The following PTCH2 variants were observed in gnomAD, a reference collection of about 807,000 sequenced individuals.
PTCH2 encodes patched 2, also known as protein patched homolog 2.
PTCH2 carries 96 observed loss-of-function variants against 117.9 expected under a neutral mutation model. That is an observed-to-expected ratio of 0.81 (90% CI 0.69 to 0.96). The LOEUF (loss-of-function observed/expected upper bound fraction) is 0.96, where lower values mean the gene tolerates loss of function less well. PTCH2 is among the 50% of genes least tolerant of loss of function. The pLI is 0.00. For missense variants in PTCH2, 1,379 were observed against 1,562.5 expected, an observed-to-expected ratio of 0.88 and a Z score of 1.98; for synonymous variants, 615 against 660.9, an observed-to-expected ratio of 0.93 and a Z score of 1.06.
chr1:44,833,125 G>A (rs1653532487), intron 2 of PTCH2, among the ~76,000 whole-genome samples: 1 of 152,148 alleles, frequency 6.6e-6, no homozygotes, highest in Non-Finnish European at 1.5e-5. Flanking sequence ...CGCCAGGCCT[G>A]CCATAGTGTC....
intron 2 of PTCH2, among the ~76,000 whole-genome samples, chr1:44,832,660 C>T (rs11573569): frequency 2.1e-3 from 322 of 152,238 alleles, no homozygotes; most frequent in African/African-American, 7.4e-3. Context: ...ATGAGCTGGC[C>T]GTGGGCTGTG....
In PTCH2 at chr1:44,828,120, G is replaced by A. The variant is rs1209439159; in HGVS notation, c.1781C>T (p.Ala594Val). 1 of 1,613,940 alleles carries A rather than the reference G, an allele frequency of 6.2e-7. No homozygotes were observed. Among genetic ancestry groups the A allele is most frequent in the Non-Finnish European group, 8.5e-7 (1 of 1,180,044 alleles). The change falls in exon 14 of 22, where the codon GCC (alanine) becomes GTC (valine). Residue 594 changes from alanine (A) to valine (V), a missense_variant. By Grantham distance (64) the Ala-to-Val change is moderately conservative. Coordinates refer to ENST00000372192, the MANE Select transcript of PTCH2 (RefSeq NM_003738.5). ...GGCTTGAACTGTGGCAGTGAGGTGG[G>A]CAATGCCCACTGGTACTGTCCCGTC... ...LGDGTVPVGI[A>V]HLTATVQAFT...
rs11573546 is a variant in PTCH2 at position 44,839,709 on chromosome 1, A to ATATGTG, written c.265+2132_265+2137dup. Among the ~76,000 whole-genome samples the ATATGTG allele has an allele frequency of 5.9e-5, 9 of 152,130 alleles. 1 individual carries two copies. The South Asian group carries it at 1.9e-3, about 32-fold the overall frequency. ...CCAGGCAGCAGTGGTGTGGGTGGGG[A>ATATGTG]TATGTGTATGTGCGTGTATGCACAT... On this transcript the variant is annotated intron_variant, in intron 2 of 21. Coordinates refer to ENST00000372192, the MANE Select transcript of PTCH2 (RefSeq NM_003738.5).
downstream of PTCH2, chr1:44,820,763 C>A (rs1362647445): frequency 1.4e-6 from 1 of 716,958 alleles, no homozygotes; most frequent in Non-Finnish European, 2.6e-6. Context: ...AGGGTTACTC[C>A]GCTGGTAAGT....
chr1:44,836,475 C>T (rs549211988), intron 2 of PTCH2, among the ~76,000 whole-genome samples: 30 of 151,984 alleles, frequency 2.0e-4, no homozygotes, highest in Non-Finnish European at 4.1e-4. Flanking sequence ...TTTGGGAGGC[C>T]GAGGTGGGCG....
At chr1:44,825,479 G>A (rs1653103210) in intron 19 of PTCH2, among the ~76,000 whole-genome samples, 1 of 152,060 alleles carries the variant, frequency 6.6e-6, no homozygotes. Context: ...GTTCCTTGGA[G>A]GTAAAAAACT....
chr1:44,833,876 G>A (rs1341224512), intron 2 of PTCH2, among the ~76,000 whole-genome samples: 3 of 151,888 alleles, frequency 2.0e-5, no homozygotes, highest in Non-Finnish European at 4.4e-5. Flanking sequence ...GGGCTCAAGC[G>A]ATCCTCCCAC....
chr1:44,842,273 CCTTTTTTTTTTTTTT>C (rs1653982668), intron 1 of PTCH2, among the ~76,000 whole-genome samples: 1 of 125,576 alleles, frequency 8.0e-6, no homozygotes, highest in Non-Finnish European at 1.7e-5. Context: ...TGTTTTCTCT[CCTTTTTTTTTTTTTT>C]TTTTTTTTTG....
intron 1 of PTCH2, 116 bp downstream of exon 1, chr1:44,842,745 C>T: frequency 9.3e-7 from 1 of 1,080,282 alleles, no homozygotes; most frequent in Non-Finnish European, 1.4e-6. Context: ...CTGGCTCTCA[C>T]TTGCCTTCAG....
chr1:44,822,583 G>C lies in PTCH2; in HGVS notation c.3444C>G (p.Ser1148=). ...GGGLRWGASS[S]LPQSFARVTT... is the part of the protein sequence containing the mutation. ...TCACTCTGGCAAAGCTCTGGGGCAG[G>C]GAGGAGGATGCCCCCCACCTAAGCC... Residue 1148 remains serine, a synonymous_variant, in exon 22 of 22, where the codon TCC becomes TCG. Transcript: ENST00000372192. 6.2e-7 allele frequency: 1 copy of C among 1,614,070 alleles called. No individual in the cohort carries two copies. Among genetic ancestry groups the C allele is most frequent in the Non-Finnish European group, 8.5e-7 (1 of 1,179,978 alleles).
rs1653444913 is a variant in PTCH2, at chr1:44,831,531, G to A, written c.617+175C>T. On this transcript the variant is annotated intron_variant, in intron 5 of 21. Transcript: ENST00000372192. The surrounding 1 kb of genome is among the most constrained non-coding windows in gnomAD (Gnocchi z 4.3). The stretch of plus-strand genomic sequence containing the variant: ...AGTCAGGTCTTCCTTCCTTGAGAGG[G>A]AAAGAGAAGGAGGATGTGGAGAGAG... Among the ~76,000 whole-genome samples the A allele has an allele frequency of 6.6e-6, 1 of 152,218 alleles. No homozygotes were observed. Among genetic ancestry groups the A allele is most frequent in the South Asian group, 2.1e-4 (1 of 4,828 alleles).
At chr1:44,829,375 G>A (rs1438327164) in intron 9 of PTCH2, 27 bp downstream of exon 9, 8 of 1,614,074 alleles carry the variant, frequency 5.0e-6, no homozygotes, top group Admixed American at 1.7e-5. Flanking sequence ...GGTGGGGTGG[G>A]GGCAAGGTGC....
chr1:44,832,427 C>T (rs983596855), intron 2 of PTCH2, 86 bp from the exon 3 acceptor site: 1 of 1,398,624 alleles, frequency 7.1e-7, no homozygotes, highest in African/African-American at 1.4e-5. Flanking sequence ...CTGAGGCCTC[C>T]CCAGACAAGT....
At position 44,831,716 on chromosome 1, in the gene PTCH2, C is replaced by G. The variant is rs1371740303; in HGVS notation, c.607G>C (p.Ala203Pro). ...WEGAKLQGGS[A>P]YLPGRPDIQW... The stretch of plus-strand genomic sequence containing the variant: ...AGGAGTGGCACTCACGGCAGGTAGG[C>G]GGAGCCCCCTTGGAGTTTGGCTCCC... Residue 203 changes from alanine (A) to proline (P), a missense_variant, in exon 5 of 22, where the codon GCC (alanine) becomes CCC (proline). Transcript: ENST00000372192. This position sits in a 1 kb window ranked among gnomAD's most constrained non-coding sequence, Gnocchi z 4.3. The G allele has an allele frequency of 6.4e-7, 1 of 1,558,718 alleles. No homozygotes were observed. Among genetic ancestry groups the G allele is most frequent in the Non-Finnish European group, 8.7e-7 (1 of 1,151,374 alleles).
chr1:44,839,361 C>CAAAAAAGAAAAAAAAAA (rs1653832666), intron 2 of PTCH2, among the ~76,000 whole-genome samples: 1 of 75,658 alleles, frequency 1.3e-5, no homozygotes, highest in Non-Finnish European at 2.6e-5. Flanking sequence ...GACTTACTCT[C>CAAAAAAGAAAAAAAAAA]AAAAAAAAAA....
At chr1:44,836,695 ACT>A (rs761283196) in intron 2 of PTCH2, among the ~76,000 whole-genome samples, 28 of 151,236 alleles carry the variant, frequency 1.9e-4, no homozygotes, top group Admixed American at 9.3e-4. Flanking sequence ...AGAGAGCAAG[ACT>A]CTGTCTCGGG....
intron 2 of PTCH2, among the ~76,000 whole-genome samples, chr1:44,834,689 A>C (rs1046398673): frequency 2.0e-5 from 3 of 152,246 alleles, no homozygotes; most frequent in Admixed American, 2.0e-4. Context: ...AGGGGAGAAA[A>C]TGGGGCAGAG....
chr1:44,827,620 G>A lies in PTCH2; in HGVS notation c.2153C>T (p.Pro718Leu). The A allele has an allele frequency of 1.2e-6, 2 of 1,613,850 alleles. No individual in the cohort carries two copies. Among genetic ancestry groups the A allele is most frequent in the Non-Finnish European group, 1.7e-6 (2 of 1,180,022 alleles). The change falls in exon 15 of 22, where the codon CCT (proline) becomes CTT (leucine). Residue 718 changes from proline to leucine, a missense_variant. Transcript: ENST00000372192. ...QDGLALTDVV[P>L]RGTKEHAFLS... ...GAAGGCATGCTCCTTGGTGCCCCGAGGCACCACATCCGTCAGGGCCAGGCC... is the reference window on the plus strand; with the variant it reads ...GAAGGCATGCTCCTTGGTGCCCCGAAGCACCACATCCGTCAGGGCCAGGCC...
chr1:44,820,067 T>C (rs1271251882), downstream of PTCH2: 1 of 228,208 alleles, frequency 4.4e-6, no homozygotes, highest in African/African-American at 2.3e-5. Flanking sequence ...GTTGGATGCC[T>C]GCGTGGTACG....
Sources: allele counts gnomAD v4.1 joint callset (sites outside exome capture counted in the v4.1 genomes callset), GRCh38; gene constraint gnomAD v4.1.1; non-coding constraint Gnocchi (gnomAD v3.1); transcripts MANE v1.5; gene names NCBI Gene and HGNC (gene_info 2026-07-23, HGNC 2026-07-21).